Variants in PLAG1 observed in about 807,000 individuals in gnomAD.
PLAG1 encodes the protein PLAG1 zinc finger, also known as zinc finger protein PLAG1.
A neutral mutation model predicts 35.5 loss-of-function variants in PLAG1; 7 were observed. That is an observed-to-expected ratio of 0.20 (90% CI 0.11 to 0.37). The LOEUF (loss-of-function observed/expected upper bound fraction) is 0.37. PLAG1 is among the 10% of genes least tolerant of loss of function. PLAG1 has a pLI of 1.00. For synonymous variants in PLAG1, 229 were observed against 225.4 expected (o/e 1.02, Z -0.14); for missense variants, 454 against 602.8 (o/e 0.75, Z 2.58).
intron 1 of PLAG1, among the ~76,000 whole-genome samples, chr8:56,205,383 G>T (rs951354631): frequency 6.6e-6 from 1 of 151,672 alleles, no homozygotes; most frequent in Non-Finnish European, 1.5e-5. Flanking sequence ...ATTATTCTTA[G>T]AATTTAATTT....
In PLAG1 at chr8:56,161,877, A is replaced by G. The variant is rs570852039; in HGVS notation, c.*4366T>C. The G allele has an allele frequency of 8.7e-6, 2 of 228,620 alleles. No individual in the cohort carries two copies. The highest frequency in any genetic ancestry group is 1.2e-4 in the East Asian group (2 of 16,022). 14.2% of individuals were successfully genotyped at this position (228,620 alleles called of 1,614,324 possible). A position where few individuals can be genotyped will look rare whatever the true frequency, so the allele number is the denominator to read the frequency against. On this transcript the variant is annotated 3_prime_UTR_variant, in exon 5 of 5. Transcript: ENST00000316981. ...CATTCTGGTTCATCTGTACCACTGA[A>G]GCTTATATAATGAAGTGTTTTATAC...
chr8:56,199,855 A>T (rs1442593599), intron 1 of PLAG1, among the ~76,000 whole-genome samples: 1 of 152,192 alleles, frequency 6.6e-6, no homozygotes, highest in African/African-American at 2.4e-5. Flanking sequence ...GGGTTATAGG[A>T]GAACATTAGA....
At chr8:56,196,945 AGTGTGCGTGTGTGTGTGTGTGTGTGTGT>A (rs1221924994) in intron 1 of PLAG1, among the ~76,000 whole-genome samples, 57 of 84,202 alleles carry the variant, frequency 6.8e-4, no homozygotes, top group African/African-American at 2.2e-3. Flanking sequence ...CTCCCTCCCT[AGTGTGCGTGTGTGTGTGTGTGTGTGTGT>A]GTGTGTGTGT....
intron 3 of PLAG1, among the ~76,000 whole-genome samples, chr8:56,170,868 T>C (rs1811504661): frequency 6.6e-6 from 1 of 152,202 alleles, no homozygotes; most frequent in South Asian, 2.1e-4. Context: ...ATTTCAAATA[T>C]TACACTTTTC....
At chr8:56,175,408 C>T (rs1811655242) in intron 2 of PLAG1, among the ~76,000 whole-genome samples, 2 of 152,174 alleles carry the variant, frequency 1.3e-5, no homozygotes, top group Admixed American at 1.3e-4. Flanking sequence ...GCTGGAGCAA[C>T]TACTGTGAAG....
chr8:56,186,466 G>T (rs1812021051), intron 1 of PLAG1, among the ~76,000 whole-genome samples: 2 of 146,984 alleles, frequency 1.4e-5, no homozygotes, highest in Non-Finnish European at 3.0e-5. Context: ...CCGCCTCCTG[G>T]GCTCAAGTGA....
At chr8:56,183,062 A>G (rs1321353436) in intron 1 of PLAG1, among the ~76,000 whole-genome samples, 1 of 152,198 alleles carries the variant, frequency 6.6e-6, no homozygotes, top group Admixed American at 6.5e-5. Context: ...TAGGGGAAAA[A>G]TATTTGCCTT....
In PLAG1 at chr8:56,165,106, T is replaced by C. The variant is rs1037663630; in HGVS notation, c.*1137A>G. ...GATTCTTAAGGGAAAGAAAAACATATCAAATTCAGCAAGAAATGATATAAG... is the reference window on the plus strand; with the variant it reads ...GATTCTTAAGGGAAAGAAAAACATACCAAATTCAGCAAGAAATGATATAAG... On this transcript the variant is annotated 3_prime_UTR_variant, in exon 5 of 5. Transcript: ENST00000316981. 4.8e-6 allele frequency: 1 copy of C among 208,704 alleles called. No homozygotes were observed. The highest frequency in any genetic ancestry group is 9.8e-6 in the Non-Finnish European group (1 of 102,448). 12.9% of individuals were successfully genotyped at this position (208,704 alleles called of 1,614,324 possible).
intron 1 of PLAG1, among the ~76,000 whole-genome samples, chr8:56,195,793 G>C (rs1812344365): frequency 6.6e-6 from 1 of 152,020 alleles, no homozygotes; most frequent in Non-Finnish European, 1.5e-5. Flanking sequence ...AGCCGGGAGG[G>C]GGCCAGCGCC....
At chr8:56,195,618 A>AG (rs1199451183) in intron 1 of PLAG1, among the ~76,000 whole-genome samples, 1 of 152,148 alleles carries the variant, frequency 6.6e-6, no homozygotes, top group Non-Finnish European at 1.5e-5. Context: ...TGAAGACTGC[A>AG]GGGGGTGAGA....
intron 1 of PLAG1, chr8:56,209,198 T>C (rs939715415): frequency 6.6e-6 from 1 of 152,258 alleles, no homozygotes; most frequent in African/African-American, 2.4e-5. Context: ...AATAATGCTA[T>C]ACCATTACAC....
chr8:56,174,277 A>G (rs760440233), intron 2 of PLAG1, among the ~76,000 whole-genome samples: 4 of 152,198 alleles, frequency 2.6e-5, no homozygotes, highest in Non-Finnish European at 4.4e-5. Context: ...CATGTATGAA[A>G]CACAAGAGAG....
chr8:56,210,761 G>A (rs1193846791), intron 1 of PLAG1, among the ~76,000 whole-genome samples: 1 of 151,286 alleles, frequency 6.6e-6, no homozygotes, highest in Non-Finnish European at 1.5e-5. Context: ...AATATTCACA[G>A]CACCAGAGAG....
At position 56,164,763 on chromosome 8, in the gene PLAG1, T is replaced by C. The variant is rs1432279563; in HGVS notation, c.*1480A>G. ...TGGTTGTCTAATGTGAGGAAAAGCC[T>C]ATAATTATTCAGTGAATATAATATA... On this transcript the variant is annotated 3_prime_UTR_variant, in exon 5 of 5. Coordinates refer to ENST00000316981, the MANE Select transcript of PLAG1 (RefSeq NM_002655.3). 4.7e-6 allele frequency: 1 copy of C among 214,498 alleles called. No homozygotes were observed. Among genetic ancestry groups the C allele is most frequent in the Non-Finnish European group, 9.4e-6 (1 of 105,892 alleles). 13.3% of individuals were successfully genotyped at this position (214,498 alleles called of 1,614,324 possible).
chr8:56,172,100 C>A (rs1327834389), intron 2 of PLAG1, among the ~76,000 whole-genome samples: 2 of 152,084 alleles, frequency 1.3e-5, no homozygotes, highest in Non-Finnish European at 2.9e-5. Context: ...ATAATTAAAT[C>A]AAACAGTTAA....
chr8:56,197,479 A>T (rs1812414123), intron 1 of PLAG1, among the ~76,000 whole-genome samples: 1 of 152,224 alleles, frequency 6.6e-6, no homozygotes, highest in Non-Finnish European at 1.5e-5. Flanking sequence ...GAAAAGACAG[A>T]GTCAGAGTTG....
At chr8:56,186,547 A>G (rs1291200563) in intron 1 of PLAG1, among the ~76,000 whole-genome samples, 3 of 150,672 alleles carry the variant, frequency 2.0e-5, no homozygotes, top group African/African-American at 7.3e-5. Flanking sequence ...AATTTTTTGT[A>G]TTTTTGGTAG....
intron 1 of PLAG1, among the ~76,000 whole-genome samples, chr8:56,183,668 A>G (rs938135394): frequency 1.3e-5 from 2 of 152,190 alleles, no homozygotes; most frequent in African/African-American, 4.8e-5. Flanking sequence ...TGTCTTTATA[A>G]TCTTTACAAT....
At chr8:56,196,641 C>T (rs1812376084) in intron 1 of PLAG1, among the ~76,000 whole-genome samples, 1 of 152,072 alleles carries the variant, frequency 6.6e-6, no homozygotes, top group Non-Finnish European at 1.5e-5. Context: ...GTGCAAGTAC[C>T]ACACGCATAG....
Sources: gnomAD v4.1 joint callset for allele counts (sites outside exome capture counted in the v4.1 genomes callset) on GRCh38, gnomAD v4.1.1 for gene constraint, MANE v1.5 for transcripts, NCBI Gene and HGNC (gene_info 2026-07-23, HGNC 2026-07-21) for gene names.